The following NOVA1 variants were observed in gnomAD, a reference collection of about 807,000 sequenced individuals.
NOVA1 encodes the protein RNA-binding protein Nova-1.
Under a neutral mutation model 38.0 loss-of-function variants are expected in NOVA1, and 7 were observed. That is an observed-to-expected ratio of 0.18 (90% confidence interval 0.10 to 0.35). The LOEUF (loss-of-function observed/expected upper bound fraction) is 0.35. Ranked by LOEUF, NOVA1 falls within the 10% of genes least tolerant of loss-of-function variation. The probability of loss-of-function intolerance (pLI) is 1.00; values close to 1 mark genes in which losing one functional copy is unlikely to be tolerated. For synonymous variants in NOVA1, 270 were observed against 232.5 expected (o/e 1.16, Z -1.47); for missense variants, 460 against 616.0 (o/e 0.75, Z 2.68).
intron 2 of NOVA1, among the ~76,000 whole-genome samples, chr14:26,511,690 T>A (rs1888103994): frequency 6.6e-6 from 1 of 151,842 alleles, no homozygotes; most frequent in Non-Finnish European, 1.5e-5. Context: ...AGGCAGAGGT[T>A]GCACTAAGCC....
At chr14:26,449,134 TG>T (rs1482464703) in intron 4 of NOVA1, among the ~76,000 whole-genome samples, 171 bp from the exon 5 acceptor site, 2 of 152,172 alleles carry the variant, frequency 1.3e-5, no homozygotes, top group Non-Finnish European at 2.9e-5. Context: ...ATAACTATCT[TG>T]TAAAATTAGA....
At chr14:26,505,372 T>C (rs1344512188) in intron 2 of NOVA1, among the ~76,000 whole-genome samples, 1 of 152,136 alleles carries the variant, frequency 6.6e-6, no homozygotes, top group East Asian at 1.9e-4. Flanking sequence ...TCTTGTGAGA[T>C]CTGGTTGTTT....
chr14:26,535,039 C>T (rs562177857), intron 2 of NOVA1, among the ~76,000 whole-genome samples: 3 of 152,144 alleles, frequency 2.0e-5, no homozygotes, highest in African/African-American at 7.2e-5. Flanking sequence ...TTTTAGGACA[C>T]AAAATTAATG....
At chr14:26,461,043 G>T (rs866977224) in intron 4 of NOVA1, among the ~76,000 whole-genome samples, 14 of 152,172 alleles carry the variant, frequency 9.2e-5, no homozygotes, top group Non-Finnish European at 1.3e-4. Flanking sequence ...AGAACATGTT[G>T]TGTGCAAGAA....
intron 2 of NOVA1, among the ~76,000 whole-genome samples, chr14:26,508,733 T>A (rs1293356759): frequency 6.6e-6 from 1 of 152,014 alleles, no homozygotes; most frequent in East Asian, 1.9e-4. Flanking sequence ...ATTCTGTGCT[T>A]AAAAATCACT....
intron 2 of NOVA1, among the ~76,000 whole-genome samples, chr14:26,482,675 G>T (rs1885561879): frequency 6.6e-6 from 1 of 152,134 alleles, no homozygotes; most frequent in Non-Finnish European, 1.5e-5. Flanking sequence ...TTTTGTATAA[G>T]ATAGAGGTAT....
chr14:26,480,842 T>C (rs1164882865), intron 2 of NOVA1, among the ~76,000 whole-genome samples: 1 of 152,066 alleles, frequency 6.6e-6, no homozygotes, highest in African/African-American at 2.4e-5. Flanking sequence ...ATAATTTTAA[T>C]AAAAAGAATA....
At chr14:26,542,630 T>G (rs1468472881) in intron 2 of NOVA1, among the ~76,000 whole-genome samples, 1 of 151,556 alleles carries the variant, frequency 6.6e-6, no homozygotes, top group Admixed American at 6.6e-5. Flanking sequence ...CAACCAACCC[T>G]TTTTATGACC....
chr14:26,541,392 C>A (rs1890457704), intron 2 of NOVA1, among the ~76,000 whole-genome samples: 1 of 151,318 alleles, frequency 6.6e-6, no homozygotes, highest in African/African-American at 2.4e-5. Context: ...ACTGGACCCA[C>A]TAAAAGAGGG....
At chr14:26,586,908 GTT>G (rs558343568) in intron 2 of NOVA1, among the ~76,000 whole-genome samples, 5 of 132,568 alleles carry the variant, frequency 3.8e-5, no homozygotes, top group Non-Finnish European at 3.3e-5. Flanking sequence ...CATCATCTCA[GTT>G]TTTTTTTTTT....
chr14:26,472,443 G>T (rs1884659880), intron 3 of NOVA1, 52 bp from the exon 4 acceptor site: 2 of 759,620 alleles, frequency 2.6e-6, no homozygotes, highest in South Asian at 3.9e-5. Context: ...GCCTTAAACT[G>T]ATTATTTAAA....
intron 2 of NOVA1, among the ~76,000 whole-genome samples, chr14:26,571,006 G>T (rs1248996583): frequency 5.9e-5 from 9 of 151,882 alleles, no homozygotes; most frequent in Admixed American, 5.9e-4. Flanking sequence ...GAATCACAAA[G>T]TCTGTTCTCT....
At position 26,580,038 on chromosome 14, in the gene NOVA1, G is replaced by T. The variant is rs139495470; in HGVS notation, c.280+15372C>A. 2.5e-3 allele frequency among the ~76,000 whole-genome samples: 372 copies of T among 151,764 alleles called. 10 individuals carry two copies. The East Asian group carries it at 0.056, about 23-fold the overall frequency. On this transcript the variant is annotated intron_variant, in intron 2 of 4. Transcript: ENST00000539517. ...GCCTCCCAAGTAGCTGAGATGAAAGGTGTGCACCACTGCACTGCACCAGCT... is the reference window on the plus strand; with the variant it reads ...GCCTCCCAAGTAGCTGAGATGAAAGTTGTGCACCACTGCACTGCACCAGCT...
chr14:26,530,618 T>A (rs1305562331), intron 2 of NOVA1, among the ~76,000 whole-genome samples: 2 of 152,146 alleles, frequency 1.3e-5, no homozygotes, highest in African/African-American at 4.8e-5. Flanking sequence ...TCTTGAACTT[T>A]TCAAAAAAGT....
In NOVA1 at chr14:26,448,432, T is replaced by C; in HGVS notation, c.1051A>G (p.Ser351Gly). The change falls in exon 5 of 5, where the codon AGT (serine) becomes GGT (glycine). Residue 351 changes from serine to glycine, a missense_variant. Transcript: ENST00000539517. This position sits in a 1 kb window ranked among gnomAD's most constrained non-coding sequence, Gnocchi z 5.3. ...ATGALAAAAA[S>G]ANPAAAAANL... ...GCTGCTGCTGCTGCTGGGTTGGCACTGGCAGCTGCTGCAGCCAAAGCCCCT... is the reference window on the plus strand; with the variant it reads ...GCTGCTGCTGCTGCTGGGTTGGCACCGGCAGCTGCTGCAGCCAAAGCCCCT... 1 of 1,611,644 alleles carries C rather than the reference T, an allele frequency of 6.2e-7. No individual in the cohort carries two copies. Among genetic ancestry groups the C allele is most frequent in the Non-Finnish European group, 8.5e-7 (1 of 1,179,400 alleles).
intron 2 of NOVA1, among the ~76,000 whole-genome samples, chr14:26,584,439 C>A (rs1893399705): frequency 6.6e-6 from 1 of 151,530 alleles, no homozygotes; most frequent in African/African-American, 2.4e-5. Context: ...AGTCATTTTA[C>A]AGACACACAG....
At chr14:26,450,442 A>G (rs1348059040) in intron 4 of NOVA1, among the ~76,000 whole-genome samples, 2 of 152,100 alleles carry the variant, frequency 1.3e-5, no homozygotes, top group Non-Finnish European at 2.9e-5. Flanking sequence ...TTACAGTAAT[A>G]AAAGAAATTT....
intron 4 of NOVA1, among the ~76,000 whole-genome samples, chr14:26,468,094 G>A (rs1475752431): frequency 1.3e-5 from 2 of 152,068 alleles, no homozygotes; most frequent in African/African-American, 2.4e-5. Context: ...TGGTGAGAAC[G>A]TTACTCCTGT....
chr14:26,481,189 T>G (rs1024205456), intron 2 of NOVA1, among the ~76,000 whole-genome samples: 2 of 152,098 alleles, frequency 1.3e-5, no homozygotes, highest in African/African-American at 4.8e-5. Context: ...AAACAGTTGT[T>G]AAAATTTTCC....
Sources: gnomAD v4.1 joint callset for allele counts (sites outside exome capture counted in the v4.1 genomes callset) on GRCh38, gnomAD v4.1.1 for gene constraint, Gnocchi (gnomAD v3.1) non-coding constraint, MANE v1.5 for transcripts, NCBI Gene and HGNC (gene_info 2026-07-23, HGNC 2026-07-21) for gene names.